Variants in CNTNAP2 observed in about 807,000 individuals in gnomAD.
CNTNAP2 encodes the protein contactin associated protein 2.
CNTNAP2 carries 98 observed loss-of-function variants against 155.2 expected under a neutral mutation model. The observed-to-expected ratio is 0.63, with a 90% CI of 0.54 to 0.75. CNTNAP2 has a LOEUF of 0.75. Ranked by LOEUF, CNTNAP2 falls within the 30% of genes least tolerant of loss-of-function variation. The pLI, the probability that CNTNAP2 is intolerant of heterozygous loss-of-function variation, is 0.00. For synonymous variants in CNTNAP2, 651 were observed against 631.2 expected (o/e 1.03, Z -0.47); for missense variants, 1,727 against 1,688.1 (o/e 1.02, Z -0.40).
At chr7:146,940,247 C>G (rs1015798469) in intron 3 of CNTNAP2, among the ~76,000 whole-genome samples, 1 of 151,932 alleles carries the variant, frequency 6.6e-6, no homozygotes, top group Non-Finnish European at 1.5e-5. Context: ...TGCTCTGTCG[C>G]CAGGCTGGAG....
chr7:147,300,428 A>T, intron 9 of CNTNAP2, 138 bp downstream of exon 9: 1 of 972,740 alleles, frequency 1.0e-6, no homozygotes, highest in East Asian at 2.6e-5. Flanking sequence ...AATTCCACTG[A>T]GCAAAACAAA....
chr7:147,076,414 G>A (rs927075752), intron 4 of CNTNAP2, among the ~76,000 whole-genome samples: 19 of 152,094 alleles, frequency 1.2e-4, no homozygotes, highest in Non-Finnish European at 2.2e-4. Context: ...GTGTCTGTTG[G>A]CTGCATAAAT....
intron 9 of CNTNAP2, among the ~76,000 whole-genome samples, chr7:147,330,480 G>T (rs1240892448): frequency 6.6e-6 from 1 of 152,150 alleles, no homozygotes; most frequent in African/African-American, 2.4e-5. Context: ...TTTAAAGCTG[G>T]TTGGTCTGAA....
intron 1 of CNTNAP2, among the ~76,000 whole-genome samples, chr7:146,490,893 T>C (rs1197187161): frequency 6.6e-6 from 1 of 152,188 alleles, no homozygotes; most frequent in African/African-American, 2.4e-5. Context: ...CAGATAATTT[T>C]TTCTCACTTT....
intron 3 of CNTNAP2, among the ~76,000 whole-genome samples, chr7:146,860,407 A>G (rs1239022573): frequency 6.6e-6 from 1 of 152,172 alleles, no homozygotes; most frequent in Non-Finnish European, 1.5e-5. Context: ...TGAGGGTGGC[A>G]GGGTGTGTGG....
At chr7:147,169,759 A>G (rs2116473321) in intron 8 of CNTNAP2, among the ~76,000 whole-genome samples, 1 of 152,250 alleles carries the variant, frequency 6.6e-6, no homozygotes, top group Non-Finnish European at 1.5e-5. Flanking sequence ...ATAGACCAAT[A>G]TCAACTTCTA....
chr7:147,638,892 G>C (rs1239568219), intron 12 of CNTNAP2: 1 of 607,826 alleles, frequency 1.6e-6, no homozygotes, highest in South Asian at 1.8e-5. Context: ...TCTTGCATTT[G>C]TTTTCAATAA....
chr7:148,345,039 G>C (rs1051174911), intron 21 of CNTNAP2, among the ~76,000 whole-genome samples: 1 of 152,164 alleles, frequency 6.6e-6, no homozygotes, highest in South Asian at 2.1e-4. Context: ...CAGTTAGGAG[G>C]GCCACATGGT....
At chr7:146,394,658 T>A (rs1795594238) in intron 1 of CNTNAP2, among the ~76,000 whole-genome samples, 1 of 152,146 alleles carries the variant, frequency 6.6e-6, no homozygotes, top group African/African-American at 2.4e-5. Flanking sequence ...AATAAAAATA[T>A]CATTTATTAT....
chr7:147,306,095 C>T (rs560913713), intron 9 of CNTNAP2, among the ~76,000 whole-genome samples: 53 of 152,244 alleles, frequency 3.5e-4, no homozygotes, highest in African/African-American at 1.3e-3. Context: ...ACCCTATTTC[C>T]CAATAAGGCC....
chr7:146,245,147 G>A (rs559753361), intron 1 of CNTNAP2, among the ~76,000 whole-genome samples: 212 of 151,856 alleles, frequency 1.4e-3, no homozygotes, highest in Middle Eastern at 3.4e-3. Flanking sequence ...TAAATCAAGC[G>A]TGATCAGGGT....
chr7:147,152,108 AC>A (rs1264916481), intron 8 of CNTNAP2, among the ~76,000 whole-genome samples: 1 of 152,146 alleles, frequency 6.6e-6, no homozygotes, highest in Non-Finnish European at 1.5e-5. Context: ...CATAGCCAAT[AC>A]CCAGCCTAAG....
intron 12 of CNTNAP2, among the ~76,000 whole-genome samples, chr7:147,614,044 G>T (rs527421446): frequency 6.6e-6 from 1 of 152,182 alleles, no homozygotes; most frequent in South Asian, 2.1e-4. Flanking sequence ...TTTATGTCAA[G>T]TTTACATATA....
chr7:146,470,241 T>G (rs572473520), intron 1 of CNTNAP2, among the ~76,000 whole-genome samples: 2 of 152,340 alleles, frequency 1.3e-5, no homozygotes, highest in African/African-American at 2.4e-5. Flanking sequence ...TTTTTGAAAT[T>G]TATATACATG....
At chr7:146,821,538 T>G (rs1048427179) in intron 2 of CNTNAP2, among the ~76,000 whole-genome samples, 1 of 152,072 alleles carries the variant, frequency 6.6e-6, no homozygotes, top group Non-Finnish European at 1.5e-5. Flanking sequence ...ACAGGCAACC[T>G]ACGAAATGGG....
intron 1 of CNTNAP2, among the ~76,000 whole-genome samples, chr7:146,558,592 AT>A (rs564642261): frequency 7.2e-5 from 11 of 152,058 alleles, no homozygotes; most frequent in East Asian, 1.9e-4. Context: ...TATTATTATG[AT>A]TTTTTTGGGG....
intron 1 of CNTNAP2, among the ~76,000 whole-genome samples, chr7:146,722,289 G>A (rs1367607448): frequency 6.6e-6 from 1 of 152,056 alleles, no homozygotes; most frequent in Non-Finnish European, 1.5e-5. Flanking sequence ...CCTGTATTGG[G>A]TGACCATTGG....
intron 14 of CNTNAP2, among the ~76,000 whole-genome samples, chr7:147,965,217 T>C (rs1801186287): frequency 6.6e-6 from 1 of 152,206 alleles, no homozygotes. Flanking sequence ...AGTTCTATGC[T>C]GCCTATACAC....
rs116370185 is a variant in CNTNAP2 at position 146,948,089 on chromosome 7, T to C, written c.403-95818T>C. 9.4e-3 allele frequency among the ~76,000 whole-genome samples: 1,427 copies of C among 152,302 alleles called. 18 individuals are homozygous for C. The highest frequency in any genetic ancestry group is 0.033 in the African/African-American group (1,384 of 41,566). ...CAAAAGGTACATTTGAATGAAGGTATTCATATAAGTTACTACTTGGATTAT... is the reference window on the plus strand; with the variant it reads ...CAAAAGGTACATTTGAATGAAGGTACTCATATAAGTTACTACTTGGATTAT... On this transcript the variant is annotated intron_variant, in intron 3 of 23. Coordinates refer to ENST00000361727, the MANE Select transcript of CNTNAP2 (RefSeq NM_014141.6).
Sources: gnomAD v4.1 joint callset for allele counts (sites outside exome capture counted in the v4.1 genomes callset) on GRCh38, gnomAD v4.1.1 for gene constraint, MANE v1.5 for transcripts, NCBI Gene and HGNC (gene_info 2026-07-23, HGNC 2026-07-21) for gene names.